SNTG2: variants seen among roughly 807,000 people sequenced by gnomAD.
SNTG2 encodes gamma-2-syntrophin.
A neutral mutation model predicts 70.9 loss-of-function variants in SNTG2; 74 were observed. The observed-to-expected ratio is 1.04, with a 90% CI of 0.86 to 1.27. The LOEUF is 1.27. Among genes scored for constraint, SNTG2 ranks in the 50% most tolerant of loss-of-function variants. The pLI is 0.00. For synonymous variants in SNTG2, 278 were observed against 273.8 expected, an observed-to-expected ratio of 1.02 and a Z score of -0.15; for missense variants, 717 against 690.7, an observed-to-expected ratio of 1.04 and a Z score of -0.43.
chr2:1,222,079 G>GTC (rs1553362204), intron 9 of SNTG2, among the ~76,000 whole-genome samples: 3 of 14,584 alleles, frequency 2.1e-4, no homozygotes, highest in Admixed American at 6.7e-4. Flanking sequence ...CTCTGTCTCT[G>GTC]TCTCTGTCTC....
At chr2:1,055,521 G>A (rs1364597820) in intron 1 of SNTG2, among the ~76,000 whole-genome samples, 1 of 152,050 alleles carries the variant, frequency 6.6e-6, no homozygotes, top group African/African-American at 2.4e-5. Context: ...TTTCATGGAC[G>A]TCACTAGATC....
chr2:1,169,569 C>A (rs556776391), intron 7 of SNTG2, among the ~76,000 whole-genome samples: 1 of 152,186 alleles, frequency 6.6e-6, no homozygotes, highest in Non-Finnish European at 1.5e-5. Context: ...GCAGCTCTTG[C>A]AATTCTAGTG....
At chr2:1,325,911 G>A (rs1446093697) in intron 16 of SNTG2, among the ~76,000 whole-genome samples, 1 of 151,494 alleles carries the variant, frequency 6.6e-6, no homozygotes, top group Non-Finnish European at 1.5e-5. Context: ...TCAGCTCACC[G>A]CCACCTCTGC....
intron 1 of SNTG2, among the ~76,000 whole-genome samples, chr2:969,413 G>A (rs1487682238): frequency 6.6e-6 from 1 of 151,916 alleles, no homozygotes; most frequent in South Asian, 2.1e-4. Context: ...AATGTCCTTG[G>A]TTGTTTGAAA....
At chr2:1,257,179 G>GAA (rs1678167147) in intron 12 of SNTG2, among the ~76,000 whole-genome samples, 1 of 152,006 alleles carries the variant, frequency 6.6e-6, no homozygotes, top group South Asian at 2.1e-4. Context: ...CAGCTCTCAG[G>GAA]GTGGCAGCAT....
intron 12 of SNTG2, among the ~76,000 whole-genome samples, chr2:1,257,550 G>A (rs533702714): frequency 6.6e-6 from 1 of 152,158 alleles, no homozygotes; most frequent in Non-Finnish European, 1.5e-5. Context: ...CTGCTTCTGC[G>A]AACAACAAAG....
intron 9 of SNTG2, among the ~76,000 whole-genome samples, chr2:1,225,355 C>T (rs960948420): frequency 6.6e-6 from 1 of 152,184 alleles, no homozygotes; most frequent in Non-Finnish European, 1.5e-5. Flanking sequence ...TATCCGTCCT[C>T]ATTTCTCCCA....
intron 14 of SNTG2, among the ~76,000 whole-genome samples, chr2:1,288,451 A>G (rs1002027019): frequency 2.0e-5 from 3 of 152,178 alleles, no homozygotes; most frequent in Admixed American, 6.5e-5. Context: ...AAGATGGTCC[A>G]CTTCCCAAGC....
At chr2:1,141,163 A>G (rs1174474990) in intron 6 of SNTG2, among the ~76,000 whole-genome samples, 1 of 152,210 alleles carries the variant, frequency 6.6e-6, no homozygotes, top group Non-Finnish European at 1.5e-5. Flanking sequence ...ACTTCATTCC[A>G]TGTTAGCAGA....
intron 6 of SNTG2, among the ~76,000 whole-genome samples, chr2:1,151,278 G>T (rs528948018): frequency 1.3e-5 from 2 of 152,194 alleles, no homozygotes; most frequent in African/African-American, 4.8e-5. Flanking sequence ...TGGAGTCAAG[G>T]TGTGCTCAGG....
At chr2:1,251,121 C>G (rs10172258) in intron 12 of SNTG2, among the ~76,000 whole-genome samples, 31,378 of 152,080 alleles carry the variant, frequency 0.21, 4,383 homozygotes, top group African/African-American at 0.39. Context: ...GAGAGTAATT[C>G]TCAAGATTTC....
intron 6 of SNTG2, among the ~76,000 whole-genome samples, chr2:1,162,079 A>AAAT (rs1417104453): frequency 2.0e-5 from 3 of 151,366 alleles, no homozygotes; most frequent in Non-Finnish European, 2.9e-5. Context: ...CTCAAAAAAA[A>AAAT]AAAAAAAAAA....
intron 6 of SNTG2, among the ~76,000 whole-genome samples, chr2:1,145,189 C>T (rs2147787638): frequency 6.7e-6 from 1 of 149,928 alleles, no homozygotes; most frequent in South Asian, 2.1e-4. Flanking sequence ...CTTAGGAAAC[C>T]AGAAAAAGAG....
At chr2:1,131,671 A>C (rs1205461484) in intron 4 of SNTG2, among the ~76,000 whole-genome samples, 7 of 147,108 alleles carry the variant, frequency 4.8e-5, no homozygotes, top group African/African-American at 1.8e-4. Flanking sequence ...TTTTTTTGTG[A>C]GACAGAGTCT....
At chr2:1,116,368 C>T (rs1666965846) in intron 4 of SNTG2, among the ~76,000 whole-genome samples, 1 of 152,216 alleles carries the variant, frequency 6.6e-6, no homozygotes. Context: ...GTTACTCAGG[C>T]AAGGCTGTGG....
At chr2:1,022,725 G>T (rs1170770864) in intron 1 of SNTG2, among the ~76,000 whole-genome samples, 2 of 152,070 alleles carry the variant, frequency 1.3e-5, no homozygotes, top group Non-Finnish European at 2.9e-5. Context: ...GATTGCATTG[G>T]GATTGGTGAT....
intron 7 of SNTG2, 42 bp downstream of exon 7, chr2:1,165,677 CCTTT>C (rs780704907): frequency 6.7e-7 from 1 of 1,496,266 alleles, no homozygotes; most frequent in Admixed American, 1.9e-5. Context: ...TGGAGAAATT[CCTTT>C]CTTGCCACAT....
intron 1 of SNTG2, among the ~76,000 whole-genome samples, chr2:1,000,380 C>T (rs1397981043): frequency 6.6e-6 from 1 of 151,654 alleles, no homozygotes. Context: ...TAATAGACCA[C>T]TAGCTATATT....
chr2:1,229,170 C>T (rs1014517983), intron 9 of SNTG2, among the ~76,000 whole-genome samples: 2 of 152,178 alleles, frequency 1.3e-5, no homozygotes, highest in African/African-American at 2.4e-5. Flanking sequence ...CTGGCTTGGG[C>T]AGCCTGCTTT....
Sources: gnomAD v4.1 joint callset for allele counts (sites outside exome capture counted in the v4.1 genomes callset) on GRCh38, gnomAD v4.1.1 for gene constraint, MANE v1.5 for transcripts, NCBI Gene and HGNC (gene_info 2026-07-23, HGNC 2026-07-21) for gene names.